KAZN: variants seen among roughly 807,000 people sequenced by gnomAD.
The protein encoded by KAZN is kazrin, periplakin interacting protein, also known as kazrin.
Under a neutral mutation model 87.4 loss-of-function variants are expected in KAZN, and 40 were observed. The ratio of observed to expected loss-of-function variants is 0.46; its 90% CI spans 0.36 to 0.60. KAZN has a LOEUF of 0.60. KAZN is among the 20% of genes least tolerant of loss of function. The pLI, the probability that KAZN is intolerant of heterozygous loss-of-function variation, is 0.00. For missense variants in KAZN, 898 were observed against 1,073.9 expected (o/e 0.84, Z 2.29); for synonymous variants, 466 against 458.3 (o/e 1.02, Z -0.22).
chr1:14,413,041 G>T (rs1456259008), intron 2 of KAZN, among the ~76,000 whole-genome samples: 1 of 148,364 alleles, frequency 6.7e-6, no homozygotes, highest in Non-Finnish European at 1.5e-5. Flanking sequence ...TATTACATAG[G>T]ATTAAATCTG....
At position 13,978,336 on chromosome 1, in the gene KAZN, A is replaced by T. The variant is rs1557758870; in HGVS notation, c.91+84580A>T. On this transcript the variant is annotated intron_variant, in intron 1 of 16. Transcript: ENST00000636203. Reference sequence around the variant, plus strand: ...ATTACCACACATCCTAGGAAATAGGACCTGAAAATCACAAGAAGAAAGATC... The same window carrying T: ...ATTACCACACATCCTAGGAAATAGGTCCTGAAAATCACAAGAAGAAAGATC... Among the ~76,000 whole-genome samples, 4 of 152,068 alleles carry T rather than the reference A, an allele frequency of 2.6e-5. No individual in the cohort carries two copies. The East Asian group carries it at 5.8e-4, about 22-fold the overall frequency.
chr1:14,159,293 T>G (rs1216283348), intron 1 of KAZN, among the ~76,000 whole-genome samples: 4 of 152,188 alleles, frequency 2.6e-5, no homozygotes, highest in Non-Finnish European at 5.9e-5. Flanking sequence ...TCTATTGTAC[T>G]GTAGCTGATC....
intron 13 of KAZN, among the ~76,000 whole-genome samples, chr1:15,110,329 G>A (rs900873550): frequency 1.3e-5 from 2 of 150,672 alleles, no homozygotes; most frequent in Non-Finnish European, 3.0e-5. Flanking sequence ...TTGTGTGTGG[G>A]CATATTGTAT....
chr1:14,313,319 T>C (rs555953834), intron 2 of KAZN, among the ~76,000 whole-genome samples: 53 of 152,298 alleles, frequency 3.5e-4, no homozygotes, highest in African/African-American at 1.2e-3. Flanking sequence ...ATGTGTACTC[T>C]TTTGTCTCTG....
At chr1:14,947,112 G>A (rs1156950860) in intron 1 of KAZN, among the ~76,000 whole-genome samples, 1 of 152,150 alleles carries the variant, frequency 6.6e-6, no homozygotes, top group African/African-American at 2.4e-5. Flanking sequence ...AAGCAGGGCT[G>A]GGCTCTCCCG....
chr1:15,105,667 C>G (rs1432661673), intron 13 of KAZN, among the ~76,000 whole-genome samples: 2 of 151,950 alleles, frequency 1.3e-5, no homozygotes. Flanking sequence ...AACCCCTAAA[C>G]CACATGGATC....
At chr1:15,082,788 G>A (rs112572602) in intron 8 of KAZN, among the ~76,000 whole-genome samples, 1 of 152,194 alleles carries the variant, frequency 6.6e-6, no homozygotes, top group Non-Finnish European at 1.5e-5. Context: ...CACCTCCCAG[G>A]TTCAAGCGAT....
chr1:14,695,388 A>G (rs1222830835), intron 1 of KAZN, among the ~76,000 whole-genome samples: 2 of 152,050 alleles, frequency 1.3e-5, no homozygotes, highest in East Asian at 1.9e-4. Context: ...CAAAAAGAAC[A>G]CTTGCCCACA....
Position 15,081,003 on chromosome 1 carries a change from G to A in KAZN, c.1223-13177G>A, listed in dbSNP as rs899227040. On this transcript the variant is annotated intron_variant, in intron 8 of 14. Coordinates refer to ENST00000376030, the MANE Select transcript of KAZN (RefSeq NM_201628.3). This position sits in a 1 kb window ranked among gnomAD's most constrained non-coding sequence, Gnocchi z 4.1. Reference sequence around the variant, plus strand: ...AGTGCCAAAGTTCAGAGGCCTTGCCGTAGGCAGAGGGACAAGAGAATGGTA... The same window carrying A: ...AGTGCCAAAGTTCAGAGGCCTTGCCATAGGCAGAGGGACAAGAGAATGGTA... Among the ~76,000 whole-genome samples, 6 of 152,270 alleles carry A rather than the reference G, an allele frequency of 3.9e-5. No homozygotes were observed. Among genetic ancestry groups the A allele is most frequent in the East Asian group, 1.9e-4 (1 of 5,200 alleles).
chr1:14,660,003 GT>G (rs1034298190), intron 1 of KAZN, among the ~76,000 whole-genome samples: 1 of 152,058 alleles, frequency 6.6e-6, no homozygotes, highest in African/African-American at 2.4e-5. Context: ...TCATAATTTT[GT>G]TTTCAAATGT....
At chr1:14,413,593 GA>G (rs1169921344) in intron 2 of KAZN, among the ~76,000 whole-genome samples, 4,379 of 65,842 alleles carry the variant, frequency 0.067, 18 homozygotes, top group African/African-American at 0.09. Flanking sequence ...CGTCTCAAAA[GA>G]AAAAAAAAAA....
At chr1:14,157,947 A>G (rs745858659) in intron 1 of KAZN, among the ~76,000 whole-genome samples, 4 of 152,138 alleles carry the variant, frequency 2.6e-5, no homozygotes, top group Non-Finnish European at 5.9e-5. Flanking sequence ...CTCACTCACT[A>G]TCATGAGAAC....
intron 1 of KAZN, among the ~76,000 whole-genome samples, chr1:14,941,733 C>G (rs1661104452): frequency 6.6e-6 from 1 of 152,230 alleles, no homozygotes; most frequent in Middle Eastern, 3.4e-3. Context: ...TTCATGAATG[C>G]CGAAAGCTGA....
chr1:14,417,821 C>T (rs1357750350), intron 2 of KAZN, among the ~76,000 whole-genome samples: 1 of 151,414 alleles, frequency 6.6e-6, no homozygotes, highest in African/African-American at 2.4e-5. Flanking sequence ...ATGGTGAAAC[C>T]CCATCCCTAC....
chr1:14,514,873 T>C (rs908899333), intron 2 of KAZN, among the ~76,000 whole-genome samples: 1 of 152,014 alleles, frequency 6.6e-6, no homozygotes, highest in African/African-American at 2.4e-5. Flanking sequence ...TTTGTGTTGA[T>C]GGATGAAGTC....
rs541129828 is a variant in KAZN, at chr1:15,094,545, G to A, written c.1428+160G>A. Among the ~76,000 whole-genome samples, 33 of 152,290 alleles carry A rather than the reference G, an allele frequency of 2.2e-4. No individual in the cohort carries two copies. The highest frequency in any genetic ancestry group is 7.9e-4 in the African/African-American group (33 of 41,574). ...AGCCTCTGATGTACCTGCTCATTGT[G>A]CCTCCCTGGCAAGGCAGAGAGCCCT... On this transcript the variant is annotated intron_variant, in intron 9 of 14. Transcript: ENST00000376030. The surrounding 1 kb of genome is among the most constrained non-coding windows in gnomAD (Gnocchi z 4.5).
At chr1:14,494,810 A>G (rs1669856119) in intron 2 of KAZN, among the ~76,000 whole-genome samples, 1 of 152,234 alleles carries the variant, frequency 6.6e-6, no homozygotes, top group African/African-American at 2.4e-5. Flanking sequence ...ATTAAAATGC[A>G]TTCGGTGCAG....
intron 1 of KAZN, among the ~76,000 whole-genome samples, chr1:14,947,190 A>G (rs1031952207): frequency 2.7e-4 from 41 of 152,246 alleles, no homozygotes; most frequent in Admixed American, 1.4e-3. Flanking sequence ...CCCTGTGTGG[A>G]TGGTGTCATG....
At chr1:13,942,083 AGC>A (rs1466042601) in intron 1 of KAZN, among the ~76,000 whole-genome samples, 17 of 152,166 alleles carry the variant, frequency 1.1e-4, no homozygotes, top group Admixed American at 1.0e-3. Flanking sequence ...AATTCCAGTT[AGC>A]GCCCTGAAAT....
Sources: allele counts gnomAD v4.1 joint callset (sites outside exome capture counted in the v4.1 genomes callset), GRCh38; gene constraint gnomAD v4.1.1; non-coding constraint Gnocchi (gnomAD v3.1); transcripts MANE v1.5; gene names NCBI Gene and HGNC (gene_info 2026-07-23, HGNC 2026-07-21).